The following SPMIP4 variants were observed in gnomAD, a reference collection of about 807,000 sequenced individuals.
SPMIP4 encodes the protein sperm-associated microtubule inner protein 4.
chr7:25,138,541 A>G, the SPMIP4 span, among the ~76,000 whole-genome samples: 1 of 152,190 alleles, frequency 6.6e-6, no homozygotes, highest in East Asian at 1.9e-4. This position sits in a 1 kb window ranked among gnomAD's most constrained non-coding sequence, Gnocchi z 6.2. Flanking sequence ...AACTGTTGCC[A>G]TGTTCTAATA....
chr7:25,155,392 T>C, the SPMIP4 span, among the ~76,000 whole-genome samples: 3 of 152,212 alleles, frequency 2.0e-5, no homozygotes, highest in Non-Finnish European at 4.4e-5. Flanking sequence ...AAACAGGACA[T>C]TTTCTTAATT....
the SPMIP4 span, chr7:25,142,182 G>T: frequency 1.6e-6 from 2 of 1,276,610 alleles, no homozygotes; most frequent in Non-Finnish European, 2.2e-6. Flanking sequence ...AAGTGGCAAA[G>T]CAAGAAGGAG....
At chr7:25,166,917 T>C in the SPMIP4 span, among the ~76,000 whole-genome samples, 1 of 152,088 alleles carries the variant, frequency 6.6e-6, no homozygotes, top group East Asian at 1.9e-4. Flanking sequence ...TTAAGAGATA[T>C]GCAAGTGTAA....
At chr7:25,158,273 T>A in the SPMIP4 span, among the ~76,000 whole-genome samples, 7 of 144,500 alleles carry the variant, frequency 4.8e-5, no homozygotes, top group Non-Finnish European at 1.0e-4. Context: ...GAGGTGAAGG[T>A]GGAAGGATCA....
the SPMIP4 span, among the ~76,000 whole-genome samples, chr7:25,138,088 A>G: frequency 6.6e-6 from 1 of 152,136 alleles, no homozygotes; most frequent in Non-Finnish European, 1.5e-5. The surrounding 1 kb of genome is among the most constrained non-coding windows in gnomAD (Gnocchi z 6.2). Flanking sequence ...GACACTTGTC[A>G]ATTTTAAGTT....
At chr7:25,155,316 G>T in the SPMIP4 span, 1 of 716,370 alleles carries the variant, frequency 1.4e-6, no homozygotes, top group Non-Finnish European at 2.2e-6. Flanking sequence ...TAATGCTGGG[G>T]GATAGGACAG....
chr7:25,177,477 G>C, the SPMIP4 span, among the ~76,000 whole-genome samples: 1 of 151,804 alleles, frequency 6.6e-6, no homozygotes, highest in Non-Finnish European at 1.5e-5. Flanking sequence ...GTGAGACTCC[G>C]TCTAATAAAA....
the SPMIP4 span, among the ~76,000 whole-genome samples, chr7:25,171,087 A>C: frequency 2.6e-5 from 4 of 152,196 alleles, no homozygotes; most frequent in African/African-American, 9.7e-5. Context: ...GTGCATGCTA[A>C]AGTTTTAGAA....
At chr7:25,133,566 T>C in the SPMIP4 span, among the ~76,000 whole-genome samples, 2 of 152,260 alleles carry the variant, frequency 1.3e-5, no homozygotes, top group Non-Finnish European at 2.9e-5. Context: ...AACTGCTGTG[T>C]ATATAGTAGA....
At chr7:25,139,707 G>A in the SPMIP4 span, among the ~76,000 whole-genome samples, 40 of 152,228 alleles carry the variant, frequency 2.6e-4, no homozygotes, top group Admixed American at 3.9e-4. Flanking sequence ...TCTTTGACGT[G>A]CTTTGTTAAA....
At chr7:25,151,735 A>G in the SPMIP4 span, 1 of 954,632 alleles carries the variant, frequency 1.0e-6, no homozygotes, top group Non-Finnish European at 1.7e-6. Flanking sequence ...TAGAGGATTA[A>G]TAGGTACAAT....
the SPMIP4 span, among the ~76,000 whole-genome samples, chr7:25,166,583 T>C: frequency 3.5e-5 from 5 of 142,426 alleles, no homozygotes; most frequent in Admixed American, 2.8e-4. Context: ...CAAGACTCTG[T>C]CTCAAAAATA....
chr7:25,145,057 G>GCCTCCCAA, the SPMIP4 span, among the ~76,000 whole-genome samples: 1 of 151,708 alleles, frequency 6.6e-6, no homozygotes. Flanking sequence ...ATGCCTCCCG[G>GCCTCCCAA]GTTCAAGTGA....
the SPMIP4 span, chr7:25,136,262 CTT>C: frequency 1.2e-6 from 2 of 1,614,108 alleles, no homozygotes; most frequent in Admixed American, 1.7e-5. This position sits in a 1 kb window ranked among gnomAD's most constrained non-coding sequence, Gnocchi z 5.7. Context: ...GCTTCCGTGT[CTT>C]GTTTATTTTG....
At chr7:25,136,388 T>G in the SPMIP4 span, 6 of 1,614,098 alleles carry the variant, frequency 3.7e-6, no homozygotes, top group South Asian at 2.2e-5. The surrounding 1 kb of genome is among the most constrained non-coding windows in gnomAD (Gnocchi z 5.7). Context: ...CAGTAAGGTG[T>G]GGGTTGGGTT....
At chr7:25,154,994 TCC>T in the SPMIP4 span, 2 of 1,599,802 alleles carry the variant, frequency 1.3e-6, no homozygotes, top group African/African-American at 2.7e-5. Context: ...CAGTTCTGAT[TCC>T]AGGTCACATT....
chr7:25,135,735 A>C, the SPMIP4 span: 3 of 1,140,260 alleles, frequency 2.6e-6, no homozygotes, highest in South Asian at 7.0e-5. Flanking sequence ...AAAGACTATA[A>C]ATTTTTCTAG....
At chr7:25,175,011 C>T in the SPMIP4 span, among the ~76,000 whole-genome samples, 3 of 152,128 alleles carry the variant, frequency 2.0e-5, no homozygotes, top group African/African-American at 7.2e-5. Context: ...TAAGCCAGAT[C>T]CATAGTCCTG....
At chr7:25,153,131 A>G in the SPMIP4 span, among the ~76,000 whole-genome samples, 1 of 152,160 alleles carries the variant, frequency 6.6e-6, no homozygotes. Context: ...AGATTTTTTT[A>G]TAAGGGTTGT....
Sources: gnomAD v4.1 joint callset for allele counts (sites outside exome capture counted in the v4.1 genomes callset) on GRCh38, gnomAD v4.1.1 for gene constraint, Gnocchi (gnomAD v3.1) non-coding constraint, MANE v1.5 for transcripts, NCBI Gene and HGNC (gene_info 2026-07-23, HGNC 2026-07-21) for gene names.